Variants in ATG5 observed in about 807,000 individuals in gnomAD.
ATG5 encodes autophagy protein 5.
A neutral mutation model predicts 36.5 loss-of-function variants in ATG5; 14 were observed. The observed-to-expected ratio is 0.38, with a 90% CI of 0.25 to 0.60. ATG5 has a LOEUF of 0.60. ATG5 is among the 20% of genes least tolerant of loss of function. The pLI, the probability that ATG5 is intolerant of heterozygous loss-of-function variation, is 0.60. For synonymous variants in ATG5, 95 were observed against 101.5 expected (o/e 0.94, Z 0.38); for missense variants, 195 against 326.7 (o/e 0.60, Z 3.11).
At chr6:106,296,386 T>C (rs1489327443) in intron 3 of ATG5, among the ~76,000 whole-genome samples, 2 of 152,222 alleles carry the variant, frequency 1.3e-5, no homozygotes, top group East Asian at 3.8e-4. Flanking sequence ...TATTTGTCAA[T>C]TATTCCCAAT....
At chr6:106,190,814 T>C (rs1056981510) in intron 7 of ATG5, among the ~76,000 whole-genome samples, 3 of 152,122 alleles carry the variant, frequency 2.0e-5, no homozygotes, top group African/African-American at 7.2e-5. Context: ...AAAGTTAAAA[T>C]AATGGTAACT....
In ATG5 at chr6:106,186,460, A is replaced by G; in HGVS notation, c.*80T>C. ...GTTTCTGGTCAGGTTGCCTCCACCAAACCTGATTGAAGCAAAAGGGTGACA... is the reference window on the plus strand; with the variant it reads ...GTTTCTGGTCAGGTTGCCTCCACCAGACCTGATTGAAGCAAAAGGGTGACA... On this transcript the variant is annotated 3_prime_UTR_variant, in exon 8 of 8. Coordinates refer to ENST00000369076, the MANE Select transcript of ATG5 (RefSeq NM_004849.4). 1 of 1,546,316 alleles carries G rather than the reference A, an allele frequency of 6.5e-7. No individual in the cohort carries two copies. Among genetic ancestry groups the G allele is most frequent in the Admixed American group, 1.7e-5 (1 of 58,016 alleles).
intron 7 of ATG5, among the ~76,000 whole-genome samples, chr6:106,193,736 A>G (rs547092534): frequency 6.6e-6 from 1 of 152,314 alleles, no homozygotes; most frequent in South Asian, 2.1e-4. Context: ...GTCCATTAAT[A>G]TTTGTCAAGT....
rs1266443141 is a variant in ATG5, at chr6:106,185,935, A to G, written c.*605T>C. On this transcript the variant is annotated 3_prime_UTR_variant, in exon 8 of 8. Coordinates refer to ENST00000369076, the MANE Select transcript of ATG5 (RefSeq NM_004849.4). ...TGTATGTTATTAAATGACAAAACAT[A>G]TTTAGAGGCTTTATTTAAAAATCTC... 6.5e-6 allele frequency: 1 copy of G among 152,836 alleles called. No homozygotes were observed. Among genetic ancestry groups the G allele is most frequent in the Non-Finnish European group, 1.5e-5 (1 of 68,066 alleles). 9.5% of individuals were successfully genotyped at this position (152,836 alleles called of 1,614,324 possible).
chr6:106,190,138 A>G (rs1037218241), intron 7 of ATG5, among the ~76,000 whole-genome samples: 3 of 152,182 alleles, frequency 2.0e-5, no homozygotes, highest in African/African-American at 7.2e-5. Context: ...TTTTTCTTCA[A>G]TCTAGGATTC....
At chr6:106,276,766 C>T (rs767742860) in intron 5 of ATG5, among the ~76,000 whole-genome samples, 1 of 152,130 alleles carries the variant, frequency 6.6e-6, no homozygotes, top group Non-Finnish European at 1.5e-5. Context: ...TCTCTTTACA[C>T]GATCCTCATC....
intron 1 of ATG5, among the ~76,000 whole-genome samples, chr6:106,316,966 C>A (rs1443407462): frequency 6.6e-6 from 1 of 152,112 alleles, no homozygotes; most frequent in Non-Finnish European, 1.5e-5. Flanking sequence ...ACTCTGCAAA[C>A]CATGCTCACA....
intron 2 of ATG5, among the ~76,000 whole-genome samples, chr6:106,311,959 T>C (rs540362683): frequency 9.9e-5 from 15 of 152,030 alleles, no homozygotes; most frequent in African/African-American, 3.4e-4. Context: ...GTCTCCCAGG[T>C]AGCTGGGATT....
At chr6:106,280,512 A>G (rs1779838521) in intron 4 of ATG5, among the ~76,000 whole-genome samples, 1 of 152,148 alleles carries the variant, frequency 6.6e-6, no homozygotes, top group South Asian at 2.1e-4. Context: ...AGTAGATTTT[A>G]AAGTCAAATA....
intron 5 of ATG5, among the ~76,000 whole-genome samples, chr6:106,270,267 G>A (rs1779402983): frequency 6.6e-6 from 1 of 152,018 alleles, no homozygotes; most frequent in Admixed American, 6.5e-5. Context: ...AATATATATA[G>A]TAAAATGCTT....
intron 6 of ATG5, among the ~76,000 whole-genome samples, chr6:106,246,400 AC>A (rs1778340071): frequency 7.3e-6 from 1 of 137,604 alleles, no homozygotes; most frequent in Non-Finnish European, 1.6e-5. Context: ...TCTCACACAC[AC>A]ACACACACAC....
At chr6:106,303,360 A>G (rs1437725060) in intron 3 of ATG5, among the ~76,000 whole-genome samples, 1 of 152,114 alleles carries the variant, frequency 6.6e-6, no homozygotes, top group Non-Finnish European at 1.5e-5. Context: ...CCAACACTCA[A>G]TGAAGAGGAA....
At chr6:106,311,062 T>C (rs1401278355) in intron 2 of ATG5, among the ~76,000 whole-genome samples, 1 of 152,214 alleles carries the variant, frequency 6.6e-6, no homozygotes, top group Non-Finnish European at 1.5e-5. Flanking sequence ...AAGTTGCCCA[T>C]AATTTTAATT....
chr6:106,242,478 A>G (rs896656001), intron 6 of ATG5, among the ~76,000 whole-genome samples: 4 of 152,208 alleles, frequency 2.6e-5, no homozygotes, highest in African/African-American at 7.2e-5. Context: ...GCAAGAAGAA[A>G]AGAGTTTTGG....
chr6:106,238,307 T>A (rs894176553), intron 6 of ATG5, among the ~76,000 whole-genome samples: 6 of 152,178 alleles, frequency 3.9e-5, no homozygotes, highest in African/African-American at 1.4e-4. Flanking sequence ...TAAGCACAGA[T>A]TCTCAACATG....
intron 6 of ATG5, among the ~76,000 whole-genome samples, chr6:106,235,314 T>C (rs1168648468): frequency 6.6e-6 from 1 of 152,232 alleles, no homozygotes; most frequent in Non-Finnish European, 1.5e-5. Flanking sequence ...CGTGGACCCC[T>C]GGACCGGCCT....
intron 1 of ATG5, among the ~76,000 whole-genome samples, chr6:106,319,038 A>C (rs1769978): frequency 0.11 from 16,769 of 152,246 alleles, 997 homozygotes; most frequent in South Asian, 0.16. Flanking sequence ...TGGAGCCAAA[A>C]CCAGCTCCAC....
chr6:106,270,495 G>A (rs1298164302), intron 5 of ATG5, among the ~76,000 whole-genome samples: 2 of 152,106 alleles, frequency 1.3e-5, no homozygotes, highest in East Asian at 3.8e-4. Flanking sequence ...ACATAAATGA[G>A]GTGGCTCCAT....
At chr6:106,273,106 C>T (rs549579611) in intron 5 of ATG5, among the ~76,000 whole-genome samples, 1 of 152,160 alleles carries the variant, frequency 6.6e-6, no homozygotes, top group East Asian at 1.9e-4. Flanking sequence ...GAAGCTTATC[C>T]AATATCAGTC....
Sources: gnomAD v4.1 joint callset for allele counts (sites outside exome capture counted in the v4.1 genomes callset) on GRCh38, gnomAD v4.1.1 for gene constraint, MANE v1.5 for transcripts, NCBI Gene and HGNC (gene_info 2026-07-23, HGNC 2026-07-21) for gene names.